Variants in AGPAT3 observed in about 807,000 individuals in gnomAD.
AGPAT3 encodes 1-acylglycerol-3-phosphate O-acyltransferase 3, also known as 1-acyl-sn-glycerol-3-phosphate acyltransferase gamma.
A neutral mutation model predicts 47.3 loss-of-function variants in AGPAT3; 5 were observed. The ratio of observed to expected loss-of-function variants is 0.11; its 90% CI spans 0.06 to 0.22. AGPAT3 has a LOEUF of 0.22. Ranked by LOEUF, AGPAT3 falls within the 10% of genes least tolerant of loss-of-function variation. AGPAT3 has a pLI of 1.00. For missense variants in AGPAT3, 315 were observed against 493.0 expected, an observed-to-expected ratio of 0.64 and a Z score of 3.42; for synonymous variants, 212 against 208.3, an observed-to-expected ratio of 1.02 and a Z score of -0.15.
chr21:43,954,983 G>A lies in AGPAT3; in HGVS notation c.-48-4651G>A. 9.0e-7 allele frequency: 1 copy of A among 1,114,070 alleles called. No homozygotes were observed. Among genetic ancestry groups the A allele is most frequent in the African/African-American group, 1.7e-5 (1 of 60,162 alleles). 69.0% of individuals were successfully genotyped at this position (1,114,070 alleles called of 1,614,324 possible). On this transcript the variant is annotated intron_variant, in intron 2 of 9. Transcript: ENST00000291572. This position sits in a 1 kb window ranked among gnomAD's most constrained non-coding sequence, Gnocchi z 4.0. The stretch of plus-strand genomic sequence containing the variant: ...TGTGACACCGAGGACGGTTGATAAA[G>A]TGGATTCTCGAGGGGAAGCTGCATC...
intron 7 of AGPAT3, among the ~76,000 whole-genome samples, 160 bp from the exon 8 acceptor site, chr21:43,977,885 CA>C (rs573227227): frequency 2.1e-3 from 242 of 117,254 alleles, no homozygotes; most frequent in Admixed American, 2.5e-3. Context: ...GACTCCATCT[CA>C]AAAAAAAAAA....
intron 2 of AGPAT3, among the ~76,000 whole-genome samples, chr21:43,940,920 C>T (rs1246504436): frequency 6.6e-6 from 1 of 152,114 alleles, no homozygotes; most frequent in Admixed American, 6.5e-5. Context: ...TCGGTCCCAA[C>T]CCCGCTGTGT....
intron 7 of AGPAT3, among the ~76,000 whole-genome samples, chr21:43,975,693 C>T (rs2146866541): frequency 6.6e-6 from 1 of 152,378 alleles, no homozygotes; most frequent in South Asian, 2.1e-4. Flanking sequence ...CCGTGGACAG[C>T]AGGTTCCTAC....
intron 2 of AGPAT3, among the ~76,000 whole-genome samples, chr21:43,940,461 C>CT (rs1243172639): frequency 1.3e-5 from 2 of 152,164 alleles, no homozygotes; most frequent in African/African-American, 4.8e-5. Context: ...AGGGGAACTC[C>CT]TGGGAGGTAG....
chr21:43,909,583 A>G lies in AGPAT3; in HGVS notation c.-49+5564A>G, dbSNP rs193088161. On this transcript the variant is annotated intron_variant, in intron 2 of 9. Coordinates refer to ENST00000291572, the MANE Select transcript of AGPAT3 (RefSeq NM_020132.5). ...AGTGCTGGGATTCCAGGCATGAGCC[A>G]CTGTACCCGGCCTTTTCATACACAT... is the stretch of plus-strand genomic sequence containing the variant. Among the ~76,000 whole-genome samples, 796 of 152,350 alleles carry G rather than the reference A, an allele frequency of 5.2e-3. 7 individuals are homozygous for G. The highest frequency in any genetic ancestry group is 0.018 in the African/African-American group (764 of 41,580).
chr21:43,889,710 C>T (rs1032088570), intron 1 of AGPAT3, among the ~76,000 whole-genome samples: 7 of 152,196 alleles, frequency 4.6e-5, no homozygotes, highest in Non-Finnish European at 1.0e-4. Context: ...TTCTGCTATA[C>T]TGTAGTCTGT....
At chr21:43,943,767 T>C (rs1226501422) in intron 2 of AGPAT3, among the ~76,000 whole-genome samples, 2 of 151,910 alleles carry the variant, frequency 1.3e-5, no homozygotes, top group African/African-American at 4.8e-5. Flanking sequence ...GCTGTTGGTG[T>C]AGGGTGGGCG....
chr21:43,939,054 C>T lies in AGPAT3; in HGVS notation c.-48-20580C>T, dbSNP rs919582271. On this transcript the variant is annotated intron_variant, in intron 2 of 9. Coordinates refer to ENST00000291572, the MANE Select transcript of AGPAT3 (RefSeq NM_020132.5). This position sits in a 1 kb window ranked among gnomAD's most constrained non-coding sequence, Gnocchi z 4.4. Reference sequence around the variant, plus strand: ...AGTTTCCCACAGAGCACGCAGGGGCCGCACCAGGGCTGGGACGGGGCTGCG... The same window carrying T: ...AGTTTCCCACAGAGCACGCAGGGGCTGCACCAGGGCTGGGACGGGGCTGCG... 2.0e-5 allele frequency among the ~76,000 whole-genome samples: 3 copies of T among 152,196 alleles called. No homozygotes were observed. The highest frequency in any genetic ancestry group is 2.9e-5 in the Non-Finnish European group (2 of 68,034).
chr21:43,975,296 T>C (rs2089568712), intron 7 of AGPAT3, among the ~76,000 whole-genome samples: 1 of 149,662 alleles, frequency 6.7e-6, no homozygotes, highest in African/African-American at 2.5e-5. Flanking sequence ...TGTTTTGGTG[T>C]GTGCTGGCAT....
At position 43,951,727 on chromosome 21, in the gene AGPAT3, A is replaced by G. The variant is rs77405931; in HGVS notation, c.-48-7907A>G. ...AGGCATGAAAGGCTCATGGATAGAC[A>G]AACTGGTGTTTACCCCTCATAGAAA... On this transcript the variant is annotated intron_variant, in intron 2 of 9. Transcript: ENST00000291572. Among the ~76,000 whole-genome samples the G allele has an allele frequency of 3.4e-3, 517 of 152,350 alleles. 6 individuals are homozygous for G. The highest frequency in any genetic ancestry group is 0.012 in the African/African-American group (494 of 41,578).
chr21:43,885,999 G>A (rs556414760), intron 1 of AGPAT3, among the ~76,000 whole-genome samples: 152 of 152,344 alleles, frequency 1.0e-3, no homozygotes, highest in Non-Finnish European at 1.7e-3. Flanking sequence ...ACAGGCAGGG[G>A]TTTTTGCAAA....
chr21:43,921,980 C>G (rs2086906732), intron 2 of AGPAT3, among the ~76,000 whole-genome samples: 1 of 152,160 alleles, frequency 6.6e-6, no homozygotes. Flanking sequence ...AGTGTTGGGA[C>G]ATTCTTTTCC....
At position 43,887,035 on chromosome 21, in the gene AGPAT3, G is replaced by A. The variant is rs558299301; in HGVS notation, c.-111-16922G>A. On this transcript the variant is annotated intron_variant, in intron 1 of 9. Transcript: ENST00000291572. The stretch of plus-strand genomic sequence containing the variant: ...GAACCTCCAAACTGCTCTCAATAGT[G>A]GTTGTACTAACTCACATTCCCACCA... Among the ~76,000 whole-genome samples the A allele has an allele frequency of 2.6e-4, 40 of 152,308 alleles. 1 individual carries two copies. Among genetic ancestry groups the A allele is most frequent in the Middle Eastern group, 3.4e-3 (1 of 294 alleles).
At position 43,986,034 on chromosome 21, in the gene AGPAT3, C is replaced by T. The variant is rs888120498; in HGVS notation, c.*3642C>T. 1 of 152,320 alleles carries T rather than the reference C, an allele frequency of 6.6e-6. No homozygotes were observed. 9.4% of individuals were successfully genotyped at this position (152,320 alleles called of 1,614,324 possible). On this transcript the variant is annotated 3_prime_UTR_variant, in exon 10 of 10. Transcript: ENST00000291572. The stretch of plus-strand genomic sequence containing the variant: ...GGGATGGGGCCGGCCACACCCCTGA[C>T]TCCGCCCTGGCTCTGCCCCATACCC...
In AGPAT3 at chr21:43,960,737, G is replaced by A. The variant is rs534126551; in HGVS notation, c.178+878G>A. ...ATCATGGAGAGCCTTCATCTTGCCC[G>A]TACAGTTTTAAGCGAAAAAGGAAGT... On this transcript the variant is annotated intron_variant, in intron 3 of 9. Transcript: ENST00000291572. The A allele has an allele frequency of 3.0e-4, 297 of 985,328 alleles. 1 individual carries two copies. In the Admixed American group the frequency reaches 3.6e-3, roughly 12 times the overall value. The allele number at this position is 985,328 out of a possible 1,614,324, so 61.0% of individuals were successfully genotyped here.
At position 43,904,014 on chromosome 21, in the gene AGPAT3, G is replaced by A. The variant is rs1006840188; in HGVS notation, c.-54G>A. ...TTCCCACTGGCTCTGCTGACCTTGTGCCTTGGTAAGTGGGCAGTGAGGCCG... is the reference window on the plus strand; with the variant it reads ...TTCCCACTGGCTCTGCTGACCTTGTACCTTGGTAAGTGGGCAGTGAGGCCG... On this transcript the variant is annotated 5_prime_UTR_variant, in exon 2 of 10. Transcript: ENST00000291572. 6.5e-6 allele frequency: 1 copy of A among 152,720 alleles called. No individual in the cohort carries two copies. The highest frequency in any genetic ancestry group is 1.5e-5 in the Non-Finnish European group (1 of 68,282). 9.5% of individuals were successfully genotyped at this position (152,720 alleles called of 1,614,324 possible). A position where few individuals can be genotyped will look rare whatever the true frequency, so the allele number is the denominator to read the frequency against.
intron 2 of AGPAT3, among the ~76,000 whole-genome samples, chr21:43,904,429 C>T (rs955524841): frequency 6.6e-6 from 1 of 152,182 alleles, no homozygotes; most frequent in African/African-American, 2.4e-5. Context: ...CGACTGGGAG[C>T]CGTCTGTCTG....
At chr21:43,974,103 A>T (rs1459030504) in intron 7 of AGPAT3, among the ~76,000 whole-genome samples, 1 of 149,856 alleles carries the variant, frequency 6.7e-6, no homozygotes, top group Non-Finnish European at 1.5e-5. Flanking sequence ...TGTGGTGTGT[A>T]TTATGTATGT....
Position 43,898,860 on chromosome 21 carries a change from C to T in AGPAT3, c.-111-5097C>T, listed in dbSNP as rs188082061. On this transcript the variant is annotated intron_variant, in intron 1 of 9. Transcript: ENST00000291572. ...TAAATTCTTTTTTACTTTTGAATAT[C>T]ACAAGACATTGCTGGATTATTACTG... Among the ~76,000 whole-genome samples the T allele has an allele frequency of 5.5e-3, 834 of 151,728 alleles. 8 individuals are homozygous for T. Among genetic ancestry groups the T allele is most frequent in the African/African-American group, 0.019 (789 of 41,478 alleles).
Sources: allele counts gnomAD v4.1 joint callset (sites outside exome capture counted in the v4.1 genomes callset), GRCh38; gene constraint gnomAD v4.1.1; non-coding constraint Gnocchi (gnomAD v3.1); transcripts MANE v1.5; gene names NCBI Gene and HGNC (gene_info 2026-07-23, HGNC 2026-07-21).